NFILZ: variants seen among roughly 807,000 people sequenced by gnomAD.
NFILZ encodes NFIL3 like protein.
chr19:8,671,550 C>T (rs541277010), intron 3 of NFILZ, among the ~76,000 whole-genome samples: 49 of 152,174 alleles, frequency 3.2e-4, no homozygotes, highest in South Asian at 1.5e-3. Context: ...TATGTGACTA[C>T]CAGCCCACAC....
intron 3 of NFILZ, among the ~76,000 whole-genome samples, chr19:8,668,285 A>ACTGTTGTCTTGTTATTTTTT (rs368232136): frequency 1.3e-5 from 2 of 151,546 alleles, no homozygotes; most frequent in Admixed American, 6.6e-5. Flanking sequence ...CATTATTTTT[A>ACTGTTGTCTTGTTATTTTTT]TTGTTGTCTT....
chr19:8,666,912 C>CTTTT (rs35846585), intron 3 of NFILZ, among the ~76,000 whole-genome samples: 2 of 128,198 alleles, frequency 1.6e-5, no homozygotes, highest in Admixed American at 8.0e-5. Context: ...TTTTTGAAAA[C>CTTTT]TTTTTTTTTT....
At position 8,678,185 on chromosome 19, in the gene NFILZ, C is replaced by T. The variant is rs1393032638; in HGVS notation, c.*550C>T. ...TCCATCCATCCATCCATCCATCCAT[C>T]CATCCGTCCATCTATCCATCCATCC... is the stretch of plus-strand genomic sequence containing the variant. On this transcript the variant is annotated 3_prime_UTR_variant, in exon 6 of 6. Transcript: ENST00000691075. Among the ~76,000 whole-genome samples the T allele has an allele frequency of 1.1e-4, 8 of 70,680 alleles. No homozygotes were observed. The highest frequency in any genetic ancestry group is 1.8e-4 in the Non-Finnish European group (6 of 33,376). 46.4% of individuals were successfully genotyped at this position (70,680 alleles called of 152,430 possible).
At chr19:8,633,143 C>T (rs1375524229) in intron 2 of NFILZ, among the ~76,000 whole-genome samples, 3 of 151,778 alleles carry the variant, frequency 2.0e-5, no homozygotes, top group African/African-American at 4.8e-5. Flanking sequence ...GCCTCAGCCT[C>T]CTGACTGATT....
chr19:8,656,482 C>CCCACCTCTTCCCTGA lies in NFILZ; in HGVS notation c.-163-18069_-163-18068insCCACCTCTTCCCTGA, dbSNP rs2043002692. ...TCTCTCTGAAGCCCACCTTCTCCCG[C>CCCACCTCTTCCCTGA]AGCCCACCTTCTCCCGCAGCCCACC... On this transcript the variant is annotated intron_variant, in intron 3 of 5. Transcript: ENST00000691075. Among the ~76,000 whole-genome samples, 86 of 45,604 alleles carry CCCACCTCTTCCCTGA rather than the reference C, an allele frequency of 1.9e-3. 24 individuals are homozygous for CCCACCTCTTCCCTGA. In the East Asian group the frequency reaches 0.028, roughly 15 times the overall value. The allele number at this position is 45,604 out of a possible 152,430, so 29.9% of individuals were successfully genotyped here. A position where few individuals can be genotyped will look rare whatever the true frequency, so the allele number is the denominator to read the frequency against.
intron 3 of NFILZ, among the ~76,000 whole-genome samples, chr19:8,663,635 G>A (rs1163489796): frequency 6.6e-6 from 1 of 152,058 alleles, no homozygotes; most frequent in Middle Eastern, 3.2e-3. Flanking sequence ...AATGTCCCAC[G>A]AATGCTGAGT....
chr19:8,661,442 T>C (rs2043031613), intron 3 of NFILZ, among the ~76,000 whole-genome samples: 1 of 152,164 alleles, frequency 6.6e-6, no homozygotes, highest in Non-Finnish European at 1.5e-5. Context: ...CTATTGTGAA[T>C]AGTGCCTGGA....
intron 3 of NFILZ, among the ~76,000 whole-genome samples, chr19:8,658,546 C>CT (rs1555748729): frequency 6.6e-6 from 1 of 152,012 alleles, no homozygotes; most frequent in Non-Finnish European, 1.5e-5. Flanking sequence ...GGGAGGCTGC[C>CT]TGGGGGGACT....
At position 8,640,310 on chromosome 19, in the gene NFILZ, G is replaced by A. The variant is rs1447684332; in HGVS notation, c.-164+4564G>A. 1.5e-4 allele frequency among the ~76,000 whole-genome samples: 14 copies of A among 92,370 alleles called. No individual in the cohort carries two copies. In the Admixed American group the frequency reaches 1.6e-3, roughly 11 times the overall value. 60.6% of individuals were successfully genotyped at this position (92,370 alleles called of 152,430 possible). On this transcript the variant is annotated intron_variant, in intron 3 of 5. Coordinates refer to ENST00000691075, the MANE Select transcript of NFILZ (RefSeq NM_001378600.1). ...AATGTAGCAAGAACCTATTGTTCCT[G>A]CTGTAGTTTTTTTTTTTTTTTTTTT...
At chr19:8,656,450 CCCACCTTCTCTCTGA>C (rs1600147690) in intron 3 of NFILZ, among the ~76,000 whole-genome samples, 2 of 92,110 alleles carry the variant, frequency 2.2e-5, no homozygotes, top group Admixed American at 1.2e-4. Flanking sequence ...CTCCTCGAAG[CCCACCTTCTCTCTGA>C]AGCCCACCTT....
chr19:8,672,483 C>CA (rs1209019668), intron 3 of NFILZ, among the ~76,000 whole-genome samples: 8 of 150,862 alleles, frequency 5.3e-5, no homozygotes, highest in Non-Finnish European at 1.0e-4. Context: ...TTAGTTCATT[C>CA]AAAAAAAATC....
intron 3 of NFILZ, among the ~76,000 whole-genome samples, chr19:8,673,367 AC>A (rs782316529): frequency 3.3e-5 from 5 of 152,154 alleles, no homozygotes; most frequent in Non-Finnish European, 5.9e-5. Context: ...GCTACCAGGA[AC>A]AAAGCTCAGA....
chr19:8,640,697 G>A (rs185270972), intron 3 of NFILZ, among the ~76,000 whole-genome samples: 9 of 152,282 alleles, frequency 5.9e-5, no homozygotes, highest in East Asian at 3.9e-4. Flanking sequence ...TTAGGCAAGC[G>A]TTGGCAACAG....
At chr19:8,631,427 A>AG (rs1188551718) in intron 1 of NFILZ, among the ~76,000 whole-genome samples, 1 of 152,002 alleles carries the variant, frequency 6.6e-6, no homozygotes, top group Non-Finnish European at 1.5e-5. Context: ...GACTGAACAG[A>AG]GAGGCAGCAT....
rs1347530114 is a variant in NFILZ, at chr19:8,647,787, GCGCGCGCGCACACACACACA to G, written c.-164+12043_-164+12062del. ...CACACACACGCACACATGCGCGCGC[GCGCGCGCGCACACACACACA>G]CACACACACACACACACACACACAC... On this transcript the variant is annotated intron_variant, in intron 3 of 5. Coordinates refer to ENST00000691075, the MANE Select transcript of NFILZ (RefSeq NM_001378600.1). Among the ~76,000 whole-genome samples, 228 of 94,964 alleles carry G rather than the reference GCGCGCGCGCACACACACACA, an allele frequency of 2.4e-3. 2 individuals are homozygous for G. The highest frequency in any genetic ancestry group is 0.011 in the African/African-American group (225 of 20,036). The allele number at this position is 94,964 out of a possible 152,430, so 62.3% of individuals were successfully genotyped here.
Position 8,679,733 on chromosome 19 carries a change from C to A in NFILZ, c.*2098C>A, listed in dbSNP as rs1463441010. Among the ~76,000 whole-genome samples the A allele has an allele frequency of 2.0e-5, 3 of 152,130 alleles. No individual in the cohort carries two copies. The highest frequency in any genetic ancestry group is 7.2e-5 in the African/African-American group (3 of 41,422). On this transcript the variant is annotated 3_prime_UTR_variant, in exon 6 of 6. Transcript: ENST00000691075. ...CCTTCTCCTTCCCTCCATGCCTGAC[C>A]TTCCAGCAGGTGGCTTTTCTCATGT...
chr19:8,656,482 C>CCCACCTTCTCTCTGA (rs2043002692), intron 3 of NFILZ, among the ~76,000 whole-genome samples: 2 of 45,604 alleles, frequency 4.4e-5, no homozygotes, highest in African/African-American at 1.8e-4. Flanking sequence ...CCTTCTCCCG[C>CCCACCTTCTCTCTGA]AGCCCACCTT....
rs1421979475 is a variant in NFILZ at position 8,676,747 on chromosome 19, C to T, written c.-15-4C>T. On this transcript the variant is annotated splice_polypyrimidine_tract_variant and splice_region_variant and intron_variant, in intron 5 of 5. Transcript: ENST00000691075. ...TACTCCAAGAACTCTTTCCTTTTTC[C>T]CAGGTTCTCCAAGCAGCTATGGATG... 1.3e-5 allele frequency: 2 copies of T among 152,360 alleles called. No individual in the cohort carries two copies. The highest frequency in any genetic ancestry group is 4.8e-5 in the African/African-American group (2 of 41,470). 9.4% of individuals were successfully genotyped at this position (152,360 alleles called of 1,614,324 possible). A position where few individuals can be genotyped will look rare whatever the true frequency, so the allele number is the denominator to read the frequency against.
rs2043142574 is a variant in NFILZ at position 8,680,687 on chromosome 19, TG to T, written c.*3055del. Among the ~76,000 whole-genome samples, 1 of 151,902 alleles carries T rather than the reference TG, an allele frequency of 6.6e-6. No individual in the cohort carries two copies. ...GTGTCATGGAGAAAAAAGGGAGGCT[TG>T]GGAAAGGTAGGTGTGGGTGCGTTGT... On this transcript the variant is annotated 3_prime_UTR_variant, in exon 6 of 6. Coordinates refer to ENST00000691075, the MANE Select transcript of NFILZ (RefSeq NM_001378600.1).
Sources: gnomAD v4.1 joint callset for allele counts (sites outside exome capture counted in the v4.1 genomes callset) on GRCh38, gnomAD v4.1.1 for gene constraint, MANE v1.5 for transcripts, NCBI Gene and HGNC (gene_info 2026-07-23, HGNC 2026-07-21) for gene names.